Variants in VTA1 observed in about 807,000 individuals in gnomAD.
The protein encoded by VTA1 is vacuolar protein sorting-associated protein VTA1 homolog.
Under a neutral mutation model 36.9 loss-of-function variants are expected in VTA1, and 24 were observed. The observed-to-expected ratio is 0.65, with a 90% CI of 0.47 to 0.91. VTA1 has a LOEUF of 0.91. VTA1 is among the 40% of genes least tolerant of loss of function. The pLI is 0.00. For missense variants in VTA1, 393 were observed against 377.2 expected (o/e 1.04, Z -0.35); for synonymous variants, 142 against 130.2 (o/e 1.09, Z -0.62).
chr6:142,175,440 C>T (rs1775102538), intron 4 of VTA1, among the ~76,000 whole-genome samples: 1 of 152,044 alleles, frequency 6.6e-6, no homozygotes, highest in Admixed American at 6.6e-5. Flanking sequence ...TTTATCTTCT[C>T]TTCAGGTCTC....
intron 4 of VTA1, among the ~76,000 whole-genome samples, chr6:142,173,101 G>A (rs771285144): frequency 1.4e-4 from 22 of 152,070 alleles, no homozygotes; most frequent in South Asian, 8.3e-4. Context: ...TAAAATTTGA[G>A]GTGCAAGTAT....
At chr6:142,210,851 C>T (rs80221527) in intron 7 of VTA1, among the ~76,000 whole-genome samples, 2,051 of 149,760 alleles carry the variant, frequency 0.014, 49 homozygotes, top group African/African-American at 0.048. Context: ...GAATATGCTG[C>T]GAGAAATCTA....
At chr6:142,179,647 G>A (rs572110464) in intron 4 of VTA1, among the ~76,000 whole-genome samples, 4 of 152,132 alleles carry the variant, frequency 2.6e-5, no homozygotes, top group African/African-American at 9.6e-5. Flanking sequence ...GTACATGCGC[G>A]CACACCAAAG....
chr6:142,184,846 A>G (rs1052423363), intron 4 of VTA1, among the ~76,000 whole-genome samples: 2 of 152,176 alleles, frequency 1.3e-5, no homozygotes, highest in Non-Finnish European at 2.9e-5. Flanking sequence ...GGTTTTGATG[A>G]AGACCAAGTA....
At position 142,219,585 on chromosome 6, in the gene VTA1, G is replaced by A. The variant is rs1409758152; in HGVS notation, c.*942G>A. ...GTGTGAAAAATAAATACAAGGATTC[G>A]TTTAGCTAATTCAACTTACTACAAA... On this transcript the variant is annotated 3_prime_UTR_variant, in exon 8 of 8. Coordinates refer to ENST00000367630, the MANE Select transcript of VTA1 (RefSeq NM_016485.5). 2 of 152,250 alleles carry A rather than the reference G, an allele frequency of 1.3e-5. No homozygotes were observed. Among genetic ancestry groups the A allele is most frequent in the East Asian group, 3.9e-4 (2 of 5,190 alleles). The allele number at this position is 152,250 out of a possible 1,614,324, so 9.4% of individuals were successfully genotyped here.
At chr6:142,152,526 C>T (rs1449963606) in intron 1 of VTA1, among the ~76,000 whole-genome samples, 1 of 151,954 alleles carries the variant, frequency 6.6e-6, no homozygotes, top group Non-Finnish European at 1.5e-5. Flanking sequence ...TACTCTTCCT[C>T]ATTATGGCAA....
intron 7 of VTA1, among the ~76,000 whole-genome samples, chr6:142,212,931 A>C (rs1387920360): frequency 6.6e-6 from 1 of 152,210 alleles, no homozygotes; most frequent in African/African-American, 2.4e-5. Flanking sequence ...ACACAAGTCC[A>C]AATCATATCA....
At chr6:142,215,001 T>C in intron 7 of VTA1, among the ~76,000 whole-genome samples, 1 of 152,224 alleles carries the variant, frequency 6.6e-6, no homozygotes, top group Admixed American at 6.5e-5. Context: ...GATATTAATG[T>C]ATATTAAATA....
intron 5 of VTA1, among the ~76,000 whole-genome samples, chr6:142,191,212 G>C (rs1475863221): frequency 1.3e-5 from 2 of 151,948 alleles, no homozygotes; most frequent in Admixed American, 1.3e-4. Flanking sequence ...CTGTGCTTTG[G>C]AACAGTGGAA....
At chr6:142,201,299 G>A (rs1246581146) in intron 6 of VTA1, among the ~76,000 whole-genome samples, 1 of 151,792 alleles carries the variant, frequency 6.6e-6, no homozygotes, top group Non-Finnish European at 1.5e-5. Context: ...CGTTAAGAAT[G>A]ATTTATTTTC....
chr6:142,193,541 A>G (rs1775492916), intron 5 of VTA1, among the ~76,000 whole-genome samples: 1 of 151,840 alleles, frequency 6.6e-6, no homozygotes, highest in Non-Finnish European at 1.5e-5. Context: ...CAGTCTATAC[A>G]TAAATAAATG....
intron 4 of VTA1, among the ~76,000 whole-genome samples, chr6:142,184,828 A>C (rs942471443): frequency 9.2e-5 from 14 of 152,136 alleles, no homozygotes; most frequent in African/African-American, 3.4e-4. Flanking sequence ...GACCTGCCTA[A>C]ATTTCGAGGT....
At chr6:142,170,054 C>T (rs1011409630) in intron 3 of VTA1, among the ~76,000 whole-genome samples, 7 of 152,070 alleles carry the variant, frequency 4.6e-5, no homozygotes, top group African/African-American at 1.4e-4. Context: ...TAAAGAAATA[C>T]ATTATGGTTT....
chr6:142,217,853 G>GT (rs373440950), intron 7 of VTA1, among the ~76,000 whole-genome samples: 23 of 147,946 alleles, frequency 1.6e-4, no homozygotes, highest in East Asian at 7.9e-4. Context: ...TGTTTTTAAT[G>GT]TTTTTTTTTT....
intron 7 of VTA1, among the ~76,000 whole-genome samples, chr6:142,218,120 G>A (rs1776036686): frequency 6.6e-6 from 1 of 151,584 alleles, no homozygotes; most frequent in Non-Finnish European, 1.5e-5. Flanking sequence ...TTTTTTTATT[G>A]AAGGTGATAC....
At chr6:142,214,546 TCTC>T (rs1267756935) in intron 7 of VTA1, among the ~76,000 whole-genome samples, 1 of 152,102 alleles carries the variant, frequency 6.6e-6, no homozygotes, top group Non-Finnish European at 1.5e-5. Context: ...CTACCAGGCC[TCTC>T]CTCCTATTTG....
chr6:142,185,266 A>C (rs895986276), intron 4 of VTA1, among the ~76,000 whole-genome samples: 3 of 152,126 alleles, frequency 2.0e-5, no homozygotes, highest in Admixed American at 2.0e-4. Flanking sequence ...TAGCCAGATG[A>C]GTAGCTCCCT....
chr6:142,177,051 C>T (rs1044169518), intron 4 of VTA1, among the ~76,000 whole-genome samples: 1 of 152,178 alleles, frequency 6.6e-6, no homozygotes, highest in Non-Finnish European at 1.5e-5. Flanking sequence ...ACTACAAAAG[C>T]ATTTATTCCT....
chr6:142,185,473 A>C (rs1338106623), intron 4 of VTA1, among the ~76,000 whole-genome samples: 1 of 152,206 alleles, frequency 6.6e-6, no homozygotes, highest in Non-Finnish European at 1.5e-5. Context: ...GCTGGAGCAT[A>C]GGTTAATAAT....
Sources: allele counts gnomAD v4.1 joint callset (sites outside exome capture counted in the v4.1 genomes callset), GRCh38; gene constraint gnomAD v4.1.1; transcripts MANE v1.5; gene names NCBI Gene and HGNC (gene_info 2026-07-23, HGNC 2026-07-21).